ZNF804B: variants seen among roughly 807,000 people sequenced by gnomAD.
ZNF804B encodes zinc finger 804B.
In ZNF804B, 80 loss-of-function variants were observed where a neutral mutation model predicts 101.4. That is an observed-to-expected ratio of 0.79 (90% CI 0.66 to 0.95). The LOEUF is 0.95. Among genes scored for constraint, ZNF804B ranks in the 40% least tolerant of loss-of-function variants. The pLI, the probability that ZNF804B is intolerant of heterozygous loss-of-function variation, is 0.00. For missense variants in ZNF804B, 1,673 were observed against 1,561.9 expected, an observed-to-expected ratio of 1.07 and a Z score of -1.20; for synonymous variants, 622 against 558.8, an observed-to-expected ratio of 1.11 and a Z score of -1.59.
chr7:89,023,972 CT>C (rs1788707727), intron 1 of ZNF804B, among the ~76,000 whole-genome samples: 1 of 152,170 alleles, frequency 6.6e-6, no homozygotes, highest in Non-Finnish European at 1.5e-5. Context: ...GGGCAGCACC[CT>C]GCCAAGTGGA....
chr7:89,329,624 C>T (rs1216213232), intron 3 of ZNF804B, among the ~76,000 whole-genome samples: 1 of 151,514 alleles, frequency 6.6e-6, no homozygotes, highest in Non-Finnish European at 1.5e-5. Flanking sequence ...CAAATTTGAC[C>T]GTCTCTTAAC....
At chr7:89,165,141 T>C (rs904757191) in intron 1 of ZNF804B, among the ~76,000 whole-genome samples, 16 of 152,128 alleles carry the variant, frequency 1.1e-4, no homozygotes, top group Non-Finnish European at 5.9e-5. Flanking sequence ...TTCTGCTTCA[T>C]GCTACAACTG....
chr7:88,879,902 A>C (rs1391262444), intron 1 of ZNF804B, among the ~76,000 whole-genome samples: 1 of 151,956 alleles, frequency 6.6e-6, no homozygotes, highest in Non-Finnish European at 1.5e-5. Context: ...AGTCGGGTGT[A>C]GTGGCAGACA....
At chr7:89,075,667 C>A (rs192700311) in intron 1 of ZNF804B, among the ~76,000 whole-genome samples, 10 of 152,108 alleles carry the variant, frequency 6.6e-5, no homozygotes, top group African/African-American at 2.4e-4. Flanking sequence ...ACTGGCGCAC[C>A]GCCTAGTAGA....
At chr7:89,288,525 G>T (rs192396997) in intron 2 of ZNF804B, among the ~76,000 whole-genome samples, 1 of 152,224 alleles carries the variant, frequency 6.6e-6, no homozygotes, top group East Asian at 1.9e-4. Context: ...TACTTTTAAC[G>T]ATGCAATAAT....
chr7:88,774,737 G>A (rs1790118033), intron 1 of ZNF804B, among the ~76,000 whole-genome samples: 1 of 152,220 alleles, frequency 6.6e-6, no homozygotes, highest in African/African-American at 2.4e-5. Flanking sequence ...AGCTGAAGAT[G>A]AGTGTTATTG....
At chr7:89,077,451 A>C (rs1038186013) in intron 1 of ZNF804B, among the ~76,000 whole-genome samples, 5 of 152,268 alleles carry the variant, frequency 3.3e-5, no homozygotes, top group African/African-American at 1.2e-4. Context: ...TCTTATTTAG[A>C]GCAACCTGTG....
At chr7:89,086,280 T>C (rs1469667756) in intron 1 of ZNF804B, among the ~76,000 whole-genome samples, 2 of 152,028 alleles carry the variant, frequency 1.3e-5, no homozygotes, top group Non-Finnish European at 2.9e-5. Context: ...TGGTTCATTA[T>C]GCATTTCGTG....
chr7:89,309,662 A>C (rs1028994365), intron 2 of ZNF804B, among the ~76,000 whole-genome samples: 1 of 147,436 alleles, frequency 6.8e-6, no homozygotes, highest in East Asian at 2.3e-4. Flanking sequence ...TGGGAGGCTG[A>C]GGCAGAAGAA....
intron 1 of ZNF804B, among the ~76,000 whole-genome samples, chr7:89,007,552 AT>A (rs61111218): frequency 0.8 from 88,532 of 110,794 alleles, 36,019 homozygotes; most frequent in African/African-American, 0.91. Context: ...TATATAATAT[AT>A]ATTTATCTAT....
chr7:89,325,211 A>G (rs1351702584), intron 2 of ZNF804B, among the ~76,000 whole-genome samples: 1 of 151,854 alleles, frequency 6.6e-6, no homozygotes, highest in Non-Finnish European at 1.5e-5. Flanking sequence ...CTCTACTTAA[A>G]CTTGAGCACT....
chr7:88,868,297 T>C (rs7783178), intron 1 of ZNF804B, among the ~76,000 whole-genome samples: 32,136 of 152,004 alleles, frequency 0.21, 3,944 homozygotes, highest in African/African-American at 0.35. Context: ...TTGCTGCTCA[T>C]TGAACAGCTC....
intron 1 of ZNF804B, among the ~76,000 whole-genome samples, chr7:88,882,087 G>C (rs1792051199): frequency 6.6e-6 from 1 of 152,098 alleles, no homozygotes; most frequent in South Asian, 2.1e-4. Flanking sequence ...CATAACGAAA[G>C]CTCCAGTGCT....
chr7:89,089,314 C>T (rs1226355393), intron 1 of ZNF804B, among the ~76,000 whole-genome samples: 1 of 151,684 alleles, frequency 6.6e-6, no homozygotes, highest in East Asian at 1.9e-4. Context: ...TATTTGTTAC[C>T]TAAAAATGTG....
chr7:89,108,410 C>T (rs916951721), intron 1 of ZNF804B, among the ~76,000 whole-genome samples: 1 of 151,932 alleles, frequency 6.6e-6, no homozygotes, highest in Non-Finnish European at 1.5e-5. Flanking sequence ...GACTGGCCAT[C>T]TACATACATG....
At chr7:89,054,489 T>C (rs1789260427) in intron 1 of ZNF804B, among the ~76,000 whole-genome samples, 1 of 151,910 alleles carries the variant, frequency 6.6e-6, no homozygotes, top group Non-Finnish European at 1.5e-5. Context: ...TTTTAAAGAT[T>C]AGCATTTCAG....
intron 1 of ZNF804B, among the ~76,000 whole-genome samples, chr7:88,967,360 T>G (rs750662357): frequency 6.6e-6 from 1 of 151,294 alleles, no homozygotes; most frequent in Non-Finnish European, 1.5e-5. Context: ...CCAGATCTGG[T>G]GAGAACTCAC....
chr7:88,922,255 G>A (rs1792729488), intron 1 of ZNF804B, among the ~76,000 whole-genome samples: 1 of 152,026 alleles, frequency 6.6e-6, no homozygotes, highest in African/African-American at 2.4e-5. Flanking sequence ...ACTGGAAAAA[G>A]TTATCAGCAG....
chr7:88,875,886 A>G (rs888979446), intron 1 of ZNF804B, among the ~76,000 whole-genome samples: 3 of 152,358 alleles, frequency 2.0e-5, no homozygotes. Flanking sequence ...AATATCCTTG[A>G]TGAACATTGA....
Sources: gnomAD v4.1 joint callset for allele counts (sites outside exome capture counted in the v4.1 genomes callset) on GRCh38, gnomAD v4.1.1 for gene constraint, MANE v1.5 for transcripts, NCBI Gene and HGNC (gene_info 2026-07-23, HGNC 2026-07-21) for gene names.